The following SLC5A4 variants were observed in gnomAD, a reference collection of about 807,000 sequenced individuals.
SLC5A4 encodes the protein solute carrier family 5 member 4.
Under a neutral mutation model 70.3 loss-of-function variants are expected in SLC5A4, and 55 were observed. The observed-to-expected ratio is 0.78, with a 90% CI of 0.63 to 0.98. The LOEUF is 0.98. SLC5A4 is among the 50% of genes least tolerant of loss of function. SLC5A4 has a pLI of 0.00. For missense variants in SLC5A4, 735 were observed against 839.2 expected, an observed-to-expected ratio of 0.88 and a Z score of 1.53; for synonymous variants, 268 against 305.7, an observed-to-expected ratio of 0.88 and a Z score of 1.29.
chr22:32,222,541 A>T (rs1013680440), intron 13 of SLC5A4, among the ~76,000 whole-genome samples: 14 of 152,220 alleles, frequency 9.2e-5, no homozygotes, highest in African/African-American at 3.4e-4. Context: ...TTTCCTAAAA[A>T]TTAGTAATAA....
chr22:32,278,970 A>G, the SLC5A4 span, among the ~76,000 whole-genome samples: 2 of 152,222 alleles, frequency 1.3e-5, no homozygotes, highest in Non-Finnish European at 2.9e-5. Flanking sequence ...AAATATCAAC[A>G]TATCATTTAA....
At chr22:32,332,266 A>C in the SLC5A4 span, among the ~76,000 whole-genome samples, 1 of 152,074 alleles carries the variant, frequency 6.6e-6, no homozygotes, top group Non-Finnish European at 1.5e-5. Context: ...GCACAGTCAG[A>C]CCTACTTGCA....
the SLC5A4 span, among the ~76,000 whole-genome samples, chr22:32,304,498 C>G: frequency 2.0e-5 from 3 of 152,246 alleles, no homozygotes; most frequent in Non-Finnish European, 2.9e-5. Flanking sequence ...AGGCTGATCT[C>G]GAACTTCTGG....
At chr22:32,233,326 G>A (rs2123893642) in intron 8 of SLC5A4, among the ~76,000 whole-genome samples, 1 of 152,294 alleles carries the variant, frequency 6.6e-6, no homozygotes, top group Non-Finnish European at 1.5e-5. Context: ...CAACATGGAT[G>A]GAACCGGAGG....
the SLC5A4 span, chr22:32,271,914 G>A: frequency 6.9e-6 from 4 of 576,830 alleles, no homozygotes; most frequent in African/African-American, 5.6e-5. Context: ...GTGGCCACCA[G>A]CACCAACACA....
the SLC5A4 span, among the ~76,000 whole-genome samples, chr22:32,325,504 C>T: frequency 1.3e-5 from 2 of 152,214 alleles, no homozygotes; most frequent in Non-Finnish European, 2.9e-5. Flanking sequence ...GCATGGCTGT[C>T]GCGGCACAAG....
At chr22:32,317,164 TAAATA>T in the SLC5A4 span, among the ~76,000 whole-genome samples, 1 of 151,930 alleles carries the variant, frequency 6.6e-6, no homozygotes. Flanking sequence ...TATAAACACT[TAAATA>T]AACTTGAGTT....
chr22:32,261,287 C>A, the SLC5A4 span, among the ~76,000 whole-genome samples: 1 of 152,210 alleles, frequency 6.6e-6, no homozygotes, highest in Non-Finnish European at 1.5e-5. Flanking sequence ...GCCATTGCAA[C>A]CTTAAGCTGC....
At chr22:32,294,340 T>C in the SLC5A4 span, among the ~76,000 whole-genome samples, 2 of 152,214 alleles carry the variant, frequency 1.3e-5, no homozygotes, top group Non-Finnish European at 2.9e-5. Context: ...ATTTTGTAAA[T>C]TAAACCTTTT....
At chr22:32,229,473 G>T in intron 10 of SLC5A4, 129 bp from the exon 11 acceptor site, 1 of 904,142 alleles carries the variant, frequency 1.1e-6, no homozygotes, top group Non-Finnish European at 1.6e-6. Context: ...ATACACATCA[G>T]CATGTGGAGT....
chr22:32,289,872 T>C, the SLC5A4 span, among the ~76,000 whole-genome samples: 1 of 152,228 alleles, frequency 6.6e-6, no homozygotes, highest in African/African-American at 2.4e-5. Context: ...TGAGTGAGAC[T>C]TACTTTGTCA....
the SLC5A4 span, among the ~76,000 whole-genome samples, chr22:32,339,353 T>A: frequency 6.6e-6 from 1 of 152,162 alleles, no homozygotes; most frequent in South Asian, 2.1e-4. Context: ...TAAAGGCTAC[T>A]TGTGTCCATT....
chr22:32,309,240 T>C, the SLC5A4 span, among the ~76,000 whole-genome samples: 2 of 152,074 alleles, frequency 1.3e-5, no homozygotes, highest in Admixed American at 1.3e-4. Context: ...CATACACAGA[T>C]GAGAGGGAAA....
At chr22:32,244,162 AG>A in intron 5 of SLC5A4, among the ~76,000 whole-genome samples, 1 of 152,380 alleles carries the variant, frequency 6.6e-6, no homozygotes, top group East Asian at 1.9e-4. Context: ...ACAAATGCAA[AG>A]TACTTTCTGT....
the SLC5A4 span, among the ~76,000 whole-genome samples, chr22:32,330,739 TCG>T: frequency 7.4e-5 from 3 of 40,532 alleles, no homozygotes; most frequent in African/African-American, 1.1e-4. Context: ...TGTTGGGGGC[TCG>T]TGTGTGTGTT....
At chr22:32,241,709 C>T (rs1926519721) in intron 5 of SLC5A4, among the ~76,000 whole-genome samples, 1 of 151,774 alleles carries the variant, frequency 6.6e-6, no homozygotes, top group African/African-American at 2.4e-5. Flanking sequence ...GACCAATGTC[C>T]TGAAGCATTT....
the SLC5A4 span, chr22:32,271,371 C>T: frequency 1.6e-5 from 12 of 743,414 alleles, no homozygotes; most frequent in East Asian, 2.9e-5. Flanking sequence ...GCTGGGCAGC[C>T]GCCAGAGCAC....
the SLC5A4 span, among the ~76,000 whole-genome samples, chr22:32,307,125 C>T: frequency 6.0e-5 from 9 of 151,164 alleles, no homozygotes; most frequent in Non-Finnish European, 1.3e-4. Flanking sequence ...CCTGGGAGCC[C>T]ATTACCATTT....
At chr22:32,219,014 A>G (rs990623361) in intron 14 of SLC5A4, among the ~76,000 whole-genome samples, 1 of 152,220 alleles carries the variant, frequency 6.6e-6, no homozygotes, top group Non-Finnish European at 1.5e-5. Flanking sequence ...TTCTAAAAAT[A>G]GGTAAGAAAA....
Sources: gnomAD v4.1 joint callset for allele counts (sites outside exome capture counted in the v4.1 genomes callset) on GRCh38, gnomAD v4.1.1 for gene constraint, MANE v1.5 for transcripts, NCBI Gene and HGNC (gene_info 2026-07-23, HGNC 2026-07-21) for gene names.